The following TMEM87A variants were observed in gnomAD, a reference collection of about 807,000 sequenced individuals.
The protein encoded by TMEM87A is Golgi-pH regulating cation channel.
In TMEM87A, 50 loss-of-function variants were observed where a neutral mutation model predicts 90.0. The ratio of observed to expected loss-of-function variants is 0.56; its 90% CI spans 0.44 to 0.70. The LOEUF (loss-of-function observed/expected upper bound fraction) is 0.70. Among genes scored for constraint, TMEM87A ranks in the 30% least tolerant of loss-of-function variants. The pLI is 0.00. For synonymous variants in TMEM87A, 226 were observed against 226.7 expected (o/e 1.00, Z 0.03); for missense variants, 577 against 660.5 (o/e 0.87, Z 1.39).
intron 6 of TMEM87A, among the ~76,000 whole-genome samples, chr15:42,252,869 C>T (rs1269544099): frequency 6.6e-6 from 1 of 152,052 alleles, no homozygotes; most frequent in African/African-American, 2.4e-5. Context: ...CATAATTTTC[C>T]ACTGAAAACT....
chr15:42,272,218 T>A, intron 1 of TMEM87A, 95 bp from the exon 2 acceptor site: 1 of 866,814 alleles, frequency 1.2e-6, no homozygotes, highest in Non-Finnish European at 1.8e-6. Flanking sequence ...CCAACTTAAC[T>A]TAAATCTTTA....
chr15:42,232,630 C>T (rs972444770), intron 11 of TMEM87A, among the ~76,000 whole-genome samples: 1 of 152,052 alleles, frequency 6.6e-6, no homozygotes, highest in African/African-American at 2.4e-5. Flanking sequence ...CCTGCCACCA[C>T]GCCCAGCTAA....
rs373910511 is a variant in TMEM87A, at chr15:42,244,154, G to A, written c.518C>T (p.Pro173Leu). The A allele has an allele frequency of 1.9e-6, 3 of 1,561,292 alleles. No individual in the cohort carries two copies. In the African/African-American group the frequency reaches 4.2e-5, roughly 22 times the overall value. Reference sequence around the variant, plus strand: ...TGGTGCATCTTGCCAAGTTTGCAATGGTTCATGCATTGCCTAGAAAGGGAA... The same window carrying A: ...TGGTGCATCTTGCCAAGTTTGCAATAGTTCATGCATTGCCTAGAAAGGGAA... The part of the protein sequence containing the change: ...FIGDKTAMHE[P>L]LQTWQDAPYI... The change falls in exon 7 of 20, where the codon CCA becomes CTA. Residue 173 changes from proline to leucine, a missense_variant. Pro to Leu is a moderately conservative substitution (Grantham distance 98). Transcript: ENST00000389834.
chr15:42,234,292 A>G (rs2050736925), intron 10 of TMEM87A, among the ~76,000 whole-genome samples: 1 of 152,262 alleles, frequency 6.6e-6, no homozygotes, highest in South Asian at 2.1e-4. Flanking sequence ...CTACACAACC[A>G]GAATCCACAT....
intron 19 of TMEM87A, among the ~76,000 whole-genome samples, chr15:42,215,373 C>T (rs1343845501): frequency 5.9e-5 from 9 of 152,038 alleles, no homozygotes; most frequent in Non-Finnish European, 1.0e-4. Flanking sequence ...TGGTGGCGGG[C>T]GCCTGTAGTC....
At chr15:42,258,973 C>A in intron 6 of TMEM87A, 1 of 918,946 alleles carries the variant, frequency 1.1e-6, no homozygotes, top group Admixed American at 2.0e-5. Context: ...AATGTTTCTT[C>A]AAGAAAGGCA....
upstream of TMEM87A, chr15:42,273,544 C>G (rs531864227): frequency 2.4e-4 from 328 of 1,378,382 alleles, 2 homozygotes; most frequent in South Asian, 4.3e-3. Context: ...CGGCCCCTCT[C>G]TCAGACAGTC....
intron 7 of TMEM87A, 52 bp downstream of exon 7, chr15:42,243,998 G>T: frequency 2.7e-6 from 3 of 1,101,956 alleles, no homozygotes; most frequent in South Asian, 1.7e-5. Context: ...TAAAGTACAT[G>T]AATGACATAA....
At chr15:42,213,276 A>T (rs948245031) in intron 19 of TMEM87A, among the ~76,000 whole-genome samples, 1 of 152,220 alleles carries the variant, frequency 6.6e-6, no homozygotes, top group African/African-American at 2.4e-5. Context: ...AGAGCTAAAA[A>T]CAAAGGGCCC....
At chr15:42,235,809 C>G (rs1712410) in intron 10 of TMEM87A, among the ~76,000 whole-genome samples, 3 of 152,134 alleles carry the variant, frequency 2.0e-5, no homozygotes, top group Non-Finnish European at 2.9e-5. Context: ...AATATTTTAC[C>G]CACTTAAATT....
At chr15:42,240,156 T>C (rs1238002501) in intron 7 of TMEM87A, among the ~76,000 whole-genome samples, 1 of 152,242 alleles carries the variant, frequency 6.6e-6, no homozygotes, top group East Asian at 1.9e-4. Flanking sequence ...TTTTTACATA[T>C]TGCCATCTTC....
chr15:42,246,667 C>A (rs1487094398), intron 6 of TMEM87A, among the ~76,000 whole-genome samples: 2 of 152,134 alleles, frequency 1.3e-5, no homozygotes, highest in Non-Finnish European at 2.9e-5. Context: ...TGTATATGTG[C>A]CACATTTTCT....
At chr15:42,231,763 G>T in intron 11 of TMEM87A, 2 of 526,084 alleles carry the variant, frequency 3.8e-6, no homozygotes, top group Non-Finnish European at 5.3e-6. Context: ...AAACTATGCT[G>T]CATGTTTCCA....
intron 2 of TMEM87A, among the ~76,000 whole-genome samples, chr15:42,269,753 G>A (rs1034817492): frequency 6.7e-6 from 1 of 150,222 alleles, no homozygotes; most frequent in African/African-American, 2.4e-5. Flanking sequence ...TGGCTAACAA[G>A]GTGAAACCCC....
chr15:42,237,439 T>G lies in TMEM87A; in HGVS notation c.861A>C (p.Gly287=), dbSNP rs2050789985. 1.9e-6 allele frequency: 3 copies of G among 1,613,518 alleles called. 1 individual carries two copies. Among genetic ancestry groups the G allele is most frequent in the South Asian group, 2.2e-5 (2 of 90,948 alleles). ...YAEFQNIRYK[G]ESVQGALILA... ...GATTTTCTGGTTACTTACCAGATTC[T>G]CCTTTGTATCGGATATTCTGAAATT... The change falls in exon 9 of 20, where the codon GGA becomes GGC. Residue 287 remains glycine, a synonymous_variant. Coordinates refer to ENST00000389834, the MANE Select transcript of TMEM87A (RefSeq NM_015497.5).
intron 9 of TMEM87A, 27 bp from the exon 10 acceptor site, chr15:42,236,446 AC>A: frequency 6.2e-7 from 1 of 1,604,192 alleles, no homozygotes; most frequent in South Asian, 1.1e-5. Context: ...AAGAAATGGC[AC>A]CATAATCTAG....
At chr15:42,261,656 C>T (rs1354155461) in intron 4 of TMEM87A, among the ~76,000 whole-genome samples, 4 of 127,450 alleles carry the variant, frequency 3.1e-5, no homozygotes, top group East Asian at 2.3e-4. Flanking sequence ...TTTTTTGAGA[C>T]GGAGTCTTGC....
rs566557481 is a variant in TMEM87A, at chr15:42,250,333, C to T, written c.505-6166G>A. Among the ~76,000 whole-genome samples, 66 of 152,222 alleles carry T rather than the reference C, an allele frequency of 4.3e-4. No individual in the cohort carries two copies. The South Asian group carries it at 0.014, about 32-fold the overall frequency. On this transcript the variant is annotated intron_variant, in intron 6 of 19. Coordinates refer to ENST00000389834, the MANE Select transcript of TMEM87A (RefSeq NM_015497.5). Reference sequence around the variant, plus strand: ...TATGATACTAGTGGGTTATTTTGCCCGTTGGTTGATGCAGTTTCTTCCTAG... The same window carrying T: ...TATGATACTAGTGGGTTATTTTGCCTGTTGGTTGATGCAGTTTCTTCCTAG...
intron 6 of TMEM87A, among the ~76,000 whole-genome samples, chr15:42,254,570 A>T (rs944696268): frequency 2.0e-5 from 3 of 152,222 alleles, no homozygotes; most frequent in African/African-American, 4.8e-5. Flanking sequence ...AGGAAACTTA[A>T]ATGCATATTA....
Sources: allele counts gnomAD v4.1 joint callset (sites outside exome capture counted in the v4.1 genomes callset), GRCh38; gene constraint gnomAD v4.1.1; transcripts MANE v1.5; gene names NCBI Gene and HGNC (gene_info 2026-07-23, HGNC 2026-07-21).